The following RABGEF1 variants were observed in gnomAD, a reference collection of about 807,000 sequenced individuals.
RABGEF1 encodes the protein RAB guanine nucleotide exchange factor 1, also known as rab5 GDP/GTP exchange factor.
RABGEF1 carries 26 observed loss-of-function variants against 57.3 expected under a neutral mutation model. The observed-to-expected ratio is 0.45, with a 90% CI of 0.33 to 0.63. The LOEUF is 0.63. Among genes scored for constraint, RABGEF1 ranks in the 20% least tolerant of loss-of-function variants. The pLI is 0.02. For synonymous variants in RABGEF1, 185 were observed against 210.7 expected (o/e 0.88, Z 1.06); for missense variants, 464 against 607.6 (o/e 0.76, Z 2.48).
intron 4 of RABGEF1, among the ~76,000 whole-genome samples, chr7:66,785,872 T>TG (rs138640399): frequency 1.4e-4 from 21 of 148,492 alleles, no homozygotes; most frequent in Admixed American, 7.3e-4. Context: ...AGACTCCATC[T>TG]GGGGGGGAAA....
At chr7:66,671,090 T>C in the RABGEF1 span, among the ~76,000 whole-genome samples, 1 of 152,100 alleles carries the variant, frequency 6.6e-6, no homozygotes, top group Non-Finnish European at 1.5e-5. Context: ...CTCAAGCTCC[T>C]GGCCTTGGGC....
chr7:66,710,171 C>T (rs1459248547), intron 1 of RABGEF1, among the ~76,000 whole-genome samples: 1 of 152,164 alleles, frequency 6.6e-6, no homozygotes, highest in Non-Finnish European at 1.5e-5. Context: ...TTTCATTCAG[C>T]ATAATTGTTC....
In RABGEF1 at chr7:66,696,261, T is replaced by G. The variant is rs1436861046; in HGVS notation, c.-873+14003T>G. Among the ~76,000 whole-genome samples the G allele has an allele frequency of 2.0e-5, 3 of 152,128 alleles. No individual in the cohort carries two copies. The East Asian group carries it at 5.8e-4, about 30-fold the overall frequency. On this transcript the variant is annotated intron_variant and NMD_transcript_variant, in intron 1 of 9. Coordinates refer to the RABGEF1 transcript ENST00000607882. ...TTATATTTTTGTAGAGACTGGGTTT[T>G]ACCATGTTGCCCAGGCTAGTCTCAA... is the stretch of plus-strand genomic sequence containing the variant.
intron 5 of RABGEF1, among the ~76,000 whole-genome samples, 177 bp downstream of exon 5, chr7:66,795,769 G>A (rs529067463): frequency 2.0e-5 from 3 of 152,298 alleles, no homozygotes; most frequent in South Asian, 2.1e-4. Context: ...TGTACCATGC[G>A]TATCTTTCCA....
chr7:66,683,905 T>C (rs1047557115), intron 1 of RABGEF1, among the ~76,000 whole-genome samples: 9 of 152,262 alleles, frequency 5.9e-5, no homozygotes, highest in African/African-American at 2.2e-4. Flanking sequence ...CACACCCAGC[T>C]GATTTTTAAA....
intron 1 of RABGEF1, among the ~76,000 whole-genome samples, chr7:66,760,906 G>A (rs1804166970): frequency 1.3e-5 from 2 of 152,180 alleles, no homozygotes. Context: ...TGGGATTGTA[G>A]GCGTGAACCA....
intron 1 of RABGEF1, among the ~76,000 whole-genome samples, chr7:66,692,375 C>G (rs888030848): frequency 6.6e-5 from 10 of 152,202 alleles, no homozygotes; most frequent in Non-Finnish European, 1.0e-4. Flanking sequence ...AGTTCTGCAC[C>G]TACAGCATTG....
intron 2 of RABGEF1, among the ~76,000 whole-genome samples, chr7:66,720,209 T>TC (rs2117501068): frequency 7.1e-6 from 1 of 140,458 alleles, no homozygotes; most frequent in African/African-American, 2.6e-5. Flanking sequence ...TTTTTTTTTT[T>TC]CTTTGAGAGG....
chr7:66,742,150 C>CAA (rs3069894), intron 1 of RABGEF1, among the ~76,000 whole-genome samples: 13,194 of 148,780 alleles, frequency 0.089, 720 homozygotes, highest in Non-Finnish European at 0.11. Flanking sequence ...GACTCTATCT[C>CAA]AAAAAAAAAA....
In RABGEF1 at chr7:66,775,372, T is replaced by C. The variant is rs753166917; in HGVS notation, c.325T>C (p.Ser109Pro). 6.2e-7 allele frequency: 1 copy of C among 1,613,788 alleles called. No individual in the cohort carries two copies. The highest frequency in any genetic ancestry group is 2.2e-5 in the East Asian group (1 of 44,888). The change falls in exon 3 of 9, where the codon TCC (serine) becomes CCC (proline). Residue 109 changes from serine to proline, a missense_variant. Transcript: ENST00000284957. ...TTVKKFFSAS[S>P]RVGSKKEIQE... is the part of the protein sequence containing the mutation. ...AGTGAAGAAATTCTTCAGTGCATCTTCCAGGGTCGGATCAAAGAAGGGTAA... is the reference window on the plus strand; with the variant it reads ...AGTGAAGAAATTCTTCAGTGCATCTCCCAGGGTCGGATCAAAGAAGGGTAA...
intron 1 of RABGEF1, among the ~76,000 whole-genome samples, chr7:66,711,412 T>C (rs1288959469): frequency 6.6e-6 from 1 of 152,062 alleles, no homozygotes; most frequent in Admixed American, 6.6e-5. Flanking sequence ...CTAATTTTTT[T>C]TTTTTTTTTG....
At chr7:66,782,462 T>A (rs990867067) in intron 3 of RABGEF1, among the ~76,000 whole-genome samples, 3 of 146,940 alleles carry the variant, frequency 2.0e-5, no homozygotes, top group African/African-American at 7.4e-5. Context: ...TGTACATACC[T>A]TACTTTTTTT....
intron 7 of RABGEF1, 99 bp downstream of exon 7, chr7:66,799,513 G>T (rs775031230): frequency 1.0e-6 from 1 of 988,900 alleles, no homozygotes; most frequent in African/African-American, 1.6e-5. Flanking sequence ...GCAGATTGTC[G>T]AAGGTACATT....
At chr7:66,735,849 T>G (rs1206796954), upstream of RABGEF1, among the ~76,000 whole-genome samples, 2 of 152,180 alleles carry the variant, frequency 1.3e-5, no homozygotes, top group Non-Finnish European at 2.9e-5. Flanking sequence ...TCACCCAGTC[T>G]CAGGCATTTC....
intron 1 of RABGEF1, among the ~76,000 whole-genome samples, chr7:66,689,540 C>T (rs547541395): frequency 2.0e-5 from 3 of 152,096 alleles, no homozygotes; most frequent in Non-Finnish European, 4.4e-5. Context: ...AGGTGGCTCA[C>T]GCCTATAATC....
At chr7:66,749,278 C>T (rs1004890206) in intron 1 of RABGEF1, among the ~76,000 whole-genome samples, 4 of 152,142 alleles carry the variant, frequency 2.6e-5, no homozygotes, top group African/African-American at 9.7e-5. Context: ...CTAGCAGGAG[C>T]CATGCATTGT....
intron 1 of RABGEF1, among the ~76,000 whole-genome samples, chr7:66,705,946 ACTGCGGG>A (rs1408282183): frequency 8.2e-6 from 1 of 121,976 alleles, no homozygotes; most frequent in Non-Finnish European, 1.6e-5. Context: ...CCCAGGCCGG[ACTGCGGG>A]CTGCAGTGGC....
chr7:66,697,724 G>C (rs1025033649), intron 1 of RABGEF1, among the ~76,000 whole-genome samples: 5 of 152,184 alleles, frequency 3.3e-5, no homozygotes, highest in African/African-American at 4.8e-5. Flanking sequence ...CAGCGAGGTG[G>C]GGGGTGTTCA....
chr7:66,718,071 G>T (rs1330780809), intron 2 of RABGEF1, among the ~76,000 whole-genome samples: 1 of 152,018 alleles, frequency 6.6e-6, no homozygotes, highest in Admixed American at 6.6e-5. Flanking sequence ...TAGTTAAATA[G>T]GTAGGCCAGG....
Sources: allele counts gnomAD v4.1 joint callset (sites outside exome capture counted in the v4.1 genomes callset), GRCh38; gene constraint gnomAD v4.1.1; transcripts MANE v1.5; gene names NCBI Gene and HGNC (gene_info 2026-07-23, HGNC 2026-07-21).